Variants in ABLIM1 observed in about 807,000 individuals in gnomAD.
The protein encoded by ABLIM1 is actin-binding LIM protein 1.
In ABLIM1, 40 loss-of-function variants were observed where a neutral mutation model predicts 107.0. The observed-to-expected ratio is 0.37, with a 90% confidence interval of 0.29 to 0.49. The LOEUF (loss-of-function observed/expected upper bound fraction) is 0.49. Among genes scored for constraint, ABLIM1 ranks in the 20% least tolerant of loss-of-function variants. ABLIM1 has a pLI of 0.97. For synonymous variants in ABLIM1, 357 were observed against 357.3 expected, an observed-to-expected ratio of 1.00 and a Z score of 0.01; for missense variants, 857 against 1,008.5, an observed-to-expected ratio of 0.85 and a Z score of 2.04.
intron 6 of ABLIM1, among the ~76,000 whole-genome samples, chr10:114,524,354 C>T (rs1445554675): frequency 6.6e-6 from 1 of 152,130 alleles, no homozygotes; most frequent in Non-Finnish European, 1.5e-5. Context: ...CGGAAAAAAT[C>T]CCAGCCATTG....
chr10:114,573,116 T>C (rs1198792040), intron 3 of ABLIM1, among the ~76,000 whole-genome samples: 1 of 152,226 alleles, frequency 6.6e-6, no homozygotes, highest in African/African-American at 2.4e-5. Flanking sequence ...CCCTTTTCAG[T>C]AATTTCCTCC....
At chr10:114,638,204 T>G (rs1272338142) in intron 1 of ABLIM1, among the ~76,000 whole-genome samples, 1 of 152,250 alleles carries the variant, frequency 6.6e-6, no homozygotes, top group Non-Finnish European at 1.5e-5. Context: ...TTCATACAAA[T>G]AGACTGATTT....
At chr10:114,655,850 G>A (rs2079484810) in intron 1 of ABLIM1, among the ~76,000 whole-genome samples, 3 of 152,214 alleles carry the variant, frequency 2.0e-5, no homozygotes, top group African/African-American at 7.2e-5. Flanking sequence ...ACCATCAGCA[G>A]CTGTCGAAGT....
intron 13 of ABLIM1, 61 bp from the exon 14 acceptor site, chr10:114,451,732 A>T: frequency 1.4e-6 from 2 of 1,386,342 alleles, no homozygotes; most frequent in Non-Finnish European, 2.0e-6. Context: ...TGGGAAAAAC[A>T]GATCAACCAA....
chr10:114,736,233 C>T (rs2082176857), intron 1 of ABLIM1, among the ~76,000 whole-genome samples: 1 of 152,158 alleles, frequency 6.6e-6, no homozygotes, highest in Non-Finnish European at 1.5e-5. Context: ...AAAGAATAGC[C>T]TGGCCCTAGA....
the ABLIM1 span, among the ~76,000 whole-genome samples, chr10:114,787,298 G>A: frequency 6.6e-6 from 1 of 151,034 alleles, no homozygotes; most frequent in Non-Finnish European, 1.5e-5. Flanking sequence ...TCTCTGCCCA[G>A]CAGCCGCCCC....
At chr10:114,532,639 G>A (rs1214430714) in intron 6 of ABLIM1, among the ~76,000 whole-genome samples, 2 of 152,192 alleles carry the variant, frequency 1.3e-5, no homozygotes, top group African/African-American at 2.4e-5. Context: ...GCCCGGAAGA[G>A]AAATTATTCT....
intron 6 of ABLIM1, chr10:114,502,255 A>T (rs1171410855): frequency 5.8e-6 from 1 of 172,144 alleles, no homozygotes; most frequent in Non-Finnish European, 1.3e-5. Context: ...CAGGGACCTG[A>T]GGATGTGGTG....
intron 1 of ABLIM1, among the ~76,000 whole-genome samples, chr10:114,643,791 G>A (rs1441821514): frequency 6.6e-6 from 1 of 151,872 alleles, no homozygotes; most frequent in East Asian, 1.9e-4. Context: ...GCCCAGGCTA[G>A]GTTTAAACTT....
chr10:114,455,812 C>CTTTT (rs11285756), intron 12 of ABLIM1, among the ~76,000 whole-genome samples: 2 of 139,556 alleles, frequency 1.4e-5, no homozygotes, highest in Non-Finnish European at 3.1e-5. Flanking sequence ...GAAACTGCAA[C>CTTTT]TTTTTTTTTT....
intron 4 of ABLIM1, among the ~76,000 whole-genome samples, chr10:114,564,097 T>C (rs992151470): frequency 4.0e-5 from 6 of 151,514 alleles, no homozygotes; most frequent in Non-Finnish European, 8.8e-5. Context: ...TTCTAGAACA[T>C]TGTTTTCATC....
chr10:114,720,380 T>C (rs181692572), intron 1 of ABLIM1, among the ~76,000 whole-genome samples: 2 of 152,316 alleles, frequency 1.3e-5, no homozygotes, highest in Non-Finnish European at 2.9e-5. Flanking sequence ...TTCCTTTGGG[T>C]ATTTATCCAG....
rs373545942 is a variant in ABLIM1 at position 114,474,252 on chromosome 10, A to C, written c.1042-296T>G. On this transcript the variant is annotated intron_variant, in intron 8 of 22. Coordinates refer to ENST00000533213, the MANE Select transcript of ABLIM1 (RefSeq NM_002313.7). ...AAGCTTCCCATTTCTCTCCCTCTCT[A>C]CTGCCGTAGTCCCAGCCCCAGTCAC... 3.3e-5 allele frequency among the ~76,000 whole-genome samples: 5 copies of C among 151,840 alleles called. No homozygotes were observed. In the East Asian group the frequency reaches 5.8e-4, roughly 18 times the overall value.
chr10:114,661,798 GAT>G (rs1218536391), upstream of ABLIM1, among the ~76,000 whole-genome samples: 30 of 152,166 alleles, frequency 2.0e-4, no homozygotes, highest in African/African-American at 6.8e-4. Flanking sequence ...GCTCTTCTAT[GAT>G]AGACTATGAA....
intron 1 of ABLIM1, among the ~76,000 whole-genome samples, chr10:114,672,195 A>T (rs554702504): frequency 1.5e-4 from 22 of 150,184 alleles, no homozygotes; most frequent in East Asian, 5.9e-4. Flanking sequence ...TTATTTATTT[A>T]TTTATTTTTA....
chr10:114,550,378 GT>G (rs1012761778), intron 4 of ABLIM1, among the ~76,000 whole-genome samples: 4 of 57,754 alleles, frequency 6.9e-5, no homozygotes, highest in African/African-American at 3.4e-4. Flanking sequence ...AAAACTGATA[GT>G]TTTTTTTAAA....
chr10:114,725,628 G>C (rs1012108240), intron 1 of ABLIM1, among the ~76,000 whole-genome samples: 5 of 152,004 alleles, frequency 3.3e-5, no homozygotes, highest in African/African-American at 1.2e-4. Flanking sequence ...GTCTCTGCAA[G>C]AACCATTCAG....
At chr10:114,714,653 G>A (rs796297592) in intron 1 of ABLIM1, among the ~76,000 whole-genome samples, 40 of 152,300 alleles carry the variant, frequency 2.6e-4, no homozygotes, top group African/African-American at 8.7e-4. Context: ...AATGCCGTTT[G>A]TTTACCTTGG....
the ABLIM1 span, among the ~76,000 whole-genome samples, chr10:114,784,740 T>C: frequency 6.8e-6 from 1 of 147,484 alleles, no homozygotes. Context: ...CAAGTCAAAA[T>C]TTGAAATAAA....
Sources: gnomAD v4.1 joint callset for allele counts (sites outside exome capture counted in the v4.1 genomes callset) on GRCh38, gnomAD v4.1.1 for gene constraint, MANE v1.5 for transcripts, NCBI Gene and HGNC (gene_info 2026-07-23, HGNC 2026-07-21) for gene names.